The following TBCK variants were observed in gnomAD, a reference collection of about 807,000 sequenced individuals.
TBCK encodes TBC1 domain containing kinase.
TBCK carries 99 observed loss-of-function variants against 113.4 expected under a neutral mutation model. That is an observed-to-expected ratio of 0.87 (90% CI 0.74 to 1.03). TBCK has a LOEUF of 1.03. Ranked by LOEUF, TBCK falls within the 50% of genes least tolerant of loss-of-function variation. The pLI is 0.00. For missense variants in TBCK, 1,045 were observed against 1,061.3 expected, an observed-to-expected ratio of 0.98 and a Z score of 0.21; for synonymous variants, 369 against 370.8, an observed-to-expected ratio of 1.00 and a Z score of 0.05.
chr4:106,202,784 T>G (rs1755031873), intron 20 of TBCK, among the ~76,000 whole-genome samples: 1 of 152,052 alleles, frequency 6.6e-6, no homozygotes, highest in Non-Finnish European at 1.5e-5. Context: ...TCTGGAATTC[T>G]CATTCAGTCA....
In TBCK at chr4:106,142,126, GTTAA is replaced by G. The variant is rs1303160512; in HGVS notation, c.2236-25752_2236-25749del. ...TGATAAGTATAAAAGTTTAAAATTT[GTTAA>G]TTAAGTCAAATCTGTCAGGACTATT... is the stretch of plus-strand genomic sequence containing the variant. On this transcript the variant is annotated intron_variant, in intron 23 of 25. Transcript: ENST00000394708. Among the ~76,000 whole-genome samples, 60 of 99,424 alleles carry G rather than the reference GTTAA, an allele frequency of 6.0e-4. 9 individuals carry two copies. Among genetic ancestry groups the G allele is most frequent in the Non-Finnish European group, 1.3e-3 (50 of 39,024 alleles). 65.2% of individuals were successfully genotyped at this position (99,424 alleles called of 152,430 possible). A position where few individuals can be genotyped will look rare whatever the true frequency, so the allele number is the denominator to read the frequency against.
intron 12 of TBCK, among the ~76,000 whole-genome samples, chr4:106,241,529 T>C (rs1579364588): frequency 1.3e-5 from 2 of 151,988 alleles, no homozygotes; most frequent in African/African-American, 4.8e-5. Context: ...ATGTGGTATT[T>C]GCTAAAATTA....
intron 25 of TBCK, among the ~76,000 whole-genome samples, chr4:106,061,704 G>A (rs1248027296): frequency 2.6e-5 from 4 of 151,244 alleles, no homozygotes; most frequent in African/African-American, 9.7e-5. Flanking sequence ...CCGATTCACA[G>A]GCAGATCCTT....
chr4:106,139,037 T>C (rs1002808275), intron 23 of TBCK, among the ~76,000 whole-genome samples: 2 of 140,868 alleles, frequency 1.4e-5, no homozygotes, highest in Non-Finnish European at 3.2e-5. Flanking sequence ...CTGCTGACTA[T>C]ATTACCCTTC....
intron 23 of TBCK, among the ~76,000 whole-genome samples, chr4:106,159,736 T>C (rs1250630971): frequency 1.3e-5 from 2 of 152,054 alleles, no homozygotes; most frequent in African/African-American, 4.8e-5. Flanking sequence ...CACATTCTTA[T>C]CAAAGTATCA....
At chr4:106,046,862 GAC>G (rs1280255364) in intron 25 of TBCK, among the ~76,000 whole-genome samples, 182 bp from the exon 26 acceptor site, 3 of 152,084 alleles carry the variant, frequency 2.0e-5, no homozygotes, top group Admixed American at 6.6e-5. Flanking sequence ...TGCTGACGCT[GAC>G]AATTTCTTTA....
rs1247811234 is a variant in TBCK, at chr4:106,095,348, G to C, written c.2571+134C>G. Reference sequence around the variant, plus strand: ...AAGGCAGACAAACTCTTCCATATAAGAACACAGACAAATCTTCAAAGCTCA... The same window carrying C: ...AAGGCAGACAAACTCTTCCATATAACAACACAGACAAATCTTCAAAGCTCA... On this transcript the variant is annotated intron_variant, in intron 25 of 25. Transcript: ENST00000394708. The C allele has an allele frequency of 4.0e-6, 3 of 745,736 alleles. No homozygotes were observed. The East Asian group carries it at 9.3e-5, about 23-fold the overall frequency. The allele number at this position is 745,736 out of a possible 1,614,324, so 46.2% of individuals were successfully genotyped here.
At chr4:106,160,738 A>G (rs1749673263) in intron 23 of TBCK, among the ~76,000 whole-genome samples, 1 of 152,040 alleles carries the variant, frequency 6.6e-6, no homozygotes, top group South Asian at 2.1e-4. Context: ...GATAGATAAC[A>G]TATGATCCTG....
At chr4:106,274,631 A>G (rs1233776838) in intron 3 of TBCK, among the ~76,000 whole-genome samples, 2 of 152,198 alleles carry the variant, frequency 1.3e-5, no homozygotes, top group African/African-American at 2.4e-5. Context: ...AGGTAAATTC[A>G]TACAGGAAGT....
chr4:106,292,614 T>G (rs916069563), intron 3 of TBCK, among the ~76,000 whole-genome samples: 1 of 151,530 alleles, frequency 6.6e-6, no homozygotes, highest in Non-Finnish European at 1.5e-5. Flanking sequence ...TATCTGTTCA[T>G]GCAGCTCTGT....
chr4:106,147,190 C>T (rs1387256270), intron 23 of TBCK, among the ~76,000 whole-genome samples: 1 of 152,174 alleles, frequency 6.6e-6, no homozygotes, highest in Non-Finnish European at 1.5e-5. Context: ...CAACTTCTTA[C>T]AAACACCTTT....
At chr4:106,303,180 T>C (rs762006531) in intron 2 of TBCK, among the ~76,000 whole-genome samples, 2 of 152,146 alleles carry the variant, frequency 1.3e-5, no homozygotes, top group African/African-American at 2.4e-5. Context: ...GGTCTCCTAA[T>C]TGGTAAATAT....
chr4:106,207,398 G>A (rs1391876403), intron 20 of TBCK, among the ~76,000 whole-genome samples: 1 of 152,110 alleles, frequency 6.6e-6, no homozygotes, highest in Non-Finnish European at 1.5e-5. Flanking sequence ...ACTCGGTTTG[G>A]TAAATCATTA....
chr4:106,102,870 A>G (rs1741711663), intron 24 of TBCK, among the ~76,000 whole-genome samples: 1 of 152,304 alleles, frequency 6.6e-6, no homozygotes, highest in African/African-American at 2.4e-5. Context: ...ATTTTGCGGC[A>G]AGAGAGAAAT....
At chr4:106,310,532 G>A (rs896548365) in intron 1 of TBCK, 2 of 152,112 alleles carry the variant, frequency 1.3e-5, no homozygotes, top group African/African-American at 4.8e-5. Flanking sequence ...AAAAAGATAA[G>A]GTTCTTCCCT....
chr4:106,314,714 C>A (rs1407907586), intron 1 of TBCK, among the ~76,000 whole-genome samples: 3 of 149,582 alleles, frequency 2.0e-5, no homozygotes, highest in Admixed American at 6.7e-5. Flanking sequence ...ATCCTTCCAC[C>A]TCCCGGGTTC....
intron 23 of TBCK, among the ~76,000 whole-genome samples, chr4:106,141,795 T>C (rs1417022543): frequency 1.4e-5 from 2 of 141,020 alleles, no homozygotes; most frequent in Non-Finnish European, 3.2e-5. Flanking sequence ...AGGTTAATTT[T>C]CTTCATTTAG....
chr4:106,203,273 T>C (rs1038057398), intron 20 of TBCK, among the ~76,000 whole-genome samples: 1 of 67,648 alleles, frequency 1.5e-5, no homozygotes, highest in Non-Finnish European at 3.1e-5. Context: ...TATACACATA[T>C]ATATTTTCAC....
chr4:106,268,840 G>T (rs1375223862), intron 3 of TBCK, among the ~76,000 whole-genome samples: 1 of 152,036 alleles, frequency 6.6e-6, no homozygotes, highest in African/African-American at 2.4e-5. Context: ...TAGGGGCCAG[G>T]AAAGAGAATG....
Sources: allele counts gnomAD v4.1 joint callset (sites outside exome capture counted in the v4.1 genomes callset), GRCh38; gene constraint gnomAD v4.1.1; transcripts MANE v1.5; gene names NCBI Gene and HGNC (gene_info 2026-07-23, HGNC 2026-07-21).